USP47: variants seen among roughly 807,000 people sequenced by gnomAD.
USP47 encodes ubiquitin specific peptidase 47.
USP47 carries 35 observed loss-of-function variants against 165.1 expected under a neutral mutation model. That is an observed-to-expected ratio of 0.21 (90% CI 0.16 to 0.28). The LOEUF (loss-of-function observed/expected upper bound fraction) is 0.28, where lower values mean the gene tolerates loss of function less well. USP47 is among the 10% of genes least tolerant of loss of function. USP47 has a pLI of 1.00. For synonymous variants in USP47, 531 were observed against 544.5 expected, an observed-to-expected ratio of 0.98 and a Z score of 0.35; for missense variants, 1,277 against 1,607.4, an observed-to-expected ratio of 0.79 and a Z score of 3.52.
intron 24 of USP47, chr11:11,952,077 G>T (rs1856262447): frequency 6.6e-6 from 1 of 152,154 alleles, no homozygotes; most frequent in Non-Finnish European, 1.5e-5. Flanking sequence ...CCTGTAATTT[G>T]CCAGACACTG....
intron 1 of USP47, among the ~76,000 whole-genome samples, chr11:11,858,792 C>T (rs1343687528): frequency 6.6e-6 from 1 of 152,098 alleles, no homozygotes; most frequent in Non-Finnish European, 1.5e-5. Flanking sequence ...ATCCATTTAC[C>T]AGCTGATAAA....
intron 25 of USP47, among the ~76,000 whole-genome samples, 171 bp downstream of exon 25, chr11:11,953,042 C>T (rs1260450938): frequency 1.3e-5 from 2 of 152,044 alleles, no homozygotes; most frequent in Non-Finnish European, 2.9e-5. Context: ...TCTGTCACAC[C>T]TTGTGGCACA....
At chr11:11,901,039 G>T (rs1590337878) in intron 5 of USP47, among the ~76,000 whole-genome samples, 1 of 152,198 alleles carries the variant, frequency 6.6e-6, no homozygotes, top group Non-Finnish European at 1.5e-5. Context: ...AAGAGGGGAG[G>T]ATTAAAGCAG....
At chr11:11,923,119 A>AG (rs1316729973) in intron 11 of USP47, among the ~76,000 whole-genome samples, 2 of 145,910 alleles carry the variant, frequency 1.4e-5, no homozygotes, top group Admixed American at 6.8e-5. Context: ...AACTGCTTAC[A>AG]GGTAAGAACA....
intron 1 of USP47, among the ~76,000 whole-genome samples, chr11:11,854,884 G>A (rs1848939672): frequency 6.8e-6 from 1 of 146,778 alleles, no homozygotes; most frequent in Admixed American, 6.8e-5. Context: ...ACGAGGTCAG[G>A]AGATCGAGAC....
At chr11:11,923,011 T>C (rs1853952211) in intron 11 of USP47, 120 bp downstream of exon 11, 3 of 528,822 alleles carry the variant, frequency 5.7e-6, no homozygotes, top group Non-Finnish European at 8.6e-6. Flanking sequence ...TTTTTGAAAG[T>C]TAAGACTTCT....
rs1399566152 is a variant in USP47, at chr11:11,957,789, C to T, written c.*1614C>T. The T allele has an allele frequency of 1.3e-5, 2 of 151,370 alleles. No individual in the cohort carries two copies. Among genetic ancestry groups the T allele is most frequent in the African/African-American group, 4.9e-5 (2 of 41,158 alleles). 9.4% of individuals were successfully genotyped at this position (151,370 alleles called of 1,614,324 possible). A position where few individuals can be genotyped will look rare whatever the true frequency, so the allele number is the denominator to read the frequency against. ...AATACTGTTAGCAAATGTGGCTCTG[C>T]CATTTGAATATAATCACCGAGAATT... On this transcript the variant is annotated 3_prime_UTR_variant, in exon 28 of 28. Coordinates refer to ENST00000527733, the MANE Select transcript of USP47 (RefSeq NM_001282659.2).
At chr11:11,864,956 C>G (rs1316794503) in intron 1 of USP47, among the ~76,000 whole-genome samples, 1 of 151,996 alleles carries the variant, frequency 6.6e-6, no homozygotes, top group Non-Finnish European at 1.5e-5. Flanking sequence ...TCTTTCAGCC[C>G]TTGAAGTGTT....
chr11:11,857,673 T>C (rs1463013739), intron 1 of USP47, among the ~76,000 whole-genome samples: 1 of 152,184 alleles, frequency 6.6e-6, no homozygotes, highest in Non-Finnish European at 1.5e-5. Context: ...AACCCTCACT[T>C]TCCATGCCTA....
In USP47 at chr11:11,957,732, C is replaced by T. The variant is rs146194255; in HGVS notation, c.*1557C>T. On this transcript the variant is annotated 3_prime_UTR_variant, in exon 28 of 28. Coordinates refer to ENST00000527733, the MANE Select transcript of USP47 (RefSeq NM_001282659.2). ...CAGTATTTCAGATCCGATTTTTACC[C>T]TTTTTTTCTTATAAGAAAGATAAAA... 2.6e-5 allele frequency: 4 copies of T among 152,092 alleles called. No individual in the cohort carries two copies. The highest frequency in any genetic ancestry group is 7.3e-5 in the African/African-American group (3 of 41,376). 9.4% of individuals were successfully genotyped at this position (152,092 alleles called of 1,614,324 possible).
In USP47 at chr11:11,902,784, T is replaced by C; in HGVS notation, c.663T>C (p.Val221=). 2.5e-6 allele frequency: 4 copies of C among 1,603,412 alleles called. No homozygotes were observed. Among genetic ancestry groups the C allele is most frequent in the South Asian group, 1.1e-5 (1 of 88,906 alleles). Residue 221 remains valine (V), a synonymous_variant, in exon 6 of 28, where the codon GTT becomes GTC. Transcript: ENST00000527733. The part of the protein sequence containing the change: ...SIPYQLQRLF[V]LLQTSKKRAI... ...CATACCAACTTCAAAGGCTTTTTGT[T>C]TTGTTACAAACCAGCAAAAAGAGAG...
At chr11:11,862,221 T>C (rs1217784948) in intron 1 of USP47, among the ~76,000 whole-genome samples, 3 of 149,570 alleles carry the variant, frequency 2.0e-5, no homozygotes, top group African/African-American at 7.6e-5. Context: ...AAGCACACTT[T>C]ATGCTTCCAA....
At chr11:11,911,008 A>G (rs1490131467) in intron 8 of USP47, among the ~76,000 whole-genome samples, 1 of 152,186 alleles carries the variant, frequency 6.6e-6, no homozygotes, top group Admixed American at 6.5e-5. Context: ...CACTGAAAAC[A>G]ATGAAAATTT....
intron 2 of USP47, among the ~76,000 whole-genome samples, chr11:11,881,460 A>G (rs1012927088): frequency 6.6e-6 from 1 of 152,018 alleles, no homozygotes; most frequent in Non-Finnish European, 1.5e-5. Context: ...CCTGGCCTCT[A>G]TGTCTTGACC....
chr11:11,937,716 A>G (rs995908667), intron 17 of USP47, among the ~76,000 whole-genome samples: 8 of 151,850 alleles, frequency 5.3e-5, no homozygotes, highest in African/African-American at 1.4e-4. Flanking sequence ...ATTAATAATC[A>G]AGATCTTAGC....
rs1385478130 is a variant in USP47 at position 11,959,325 on chromosome 11, A to T, written c.*3150A>T. The T allele has an allele frequency of 6.6e-6, 1 of 152,212 alleles. No individual in the cohort carries two copies. The highest frequency in any genetic ancestry group is 1.5e-5 in the Non-Finnish European group (1 of 68,034). 9.4% of individuals were successfully genotyped at this position (152,212 alleles called of 1,614,324 possible). On this transcript the variant is annotated 3_prime_UTR_variant, in exon 28 of 28. Coordinates refer to ENST00000527733, the MANE Select transcript of USP47 (RefSeq NM_001282659.2). ...TGCTGAATAAAACTATTCCATCTTA[A>T]CAATTCTGTGTAATTTTTGAAAAAC...
In USP47 at chr11:11,942,454, A is replaced by G; in HGVS notation, c.2433A>G (p.Gln811=). ...GATTATTTGTTTTGCTACCTGAACA[A>G]TCCCCAGTATCTTATTCCAAAAGGA... ...TIRLFVLLPE[Q]SPVSYSKRTA... Residue 811 remains glutamine, a synonymous_variant, in exon 20 of 28, where the codon CAA becomes CAG. Coordinates refer to ENST00000527733, the MANE Select transcript of USP47 (RefSeq NM_001282659.2). 6.2e-7 allele frequency: 1 copy of G among 1,613,640 alleles called. No individual in the cohort carries two copies. The highest frequency in any genetic ancestry group is 8.5e-7 in the Non-Finnish European group (1 of 1,179,738).
chr11:11,941,691 T>G (rs1050577470), intron 19 of USP47, among the ~76,000 whole-genome samples: 2 of 152,048 alleles, frequency 1.3e-5, no homozygotes, highest in Admixed American at 1.3e-4. Flanking sequence ...TATGAACATA[T>G]ATATCTAAAT....
chr11:11,923,618 A>G (rs1854024111), intron 11 of USP47, among the ~76,000 whole-genome samples: 2 of 152,156 alleles, frequency 1.3e-5, no homozygotes. Context: ...GGTGTGAATA[A>G]TAAACTCCTA....
Sources: allele counts gnomAD v4.1 joint callset (sites outside exome capture counted in the v4.1 genomes callset), GRCh38; gene constraint gnomAD v4.1.1; transcripts MANE v1.5; gene names NCBI Gene and HGNC (gene_info 2026-07-23, HGNC 2026-07-21).